Variants in CALCOCO1 observed in about 807,000 individuals in gnomAD.
CALCOCO1 encodes calcium binding and coiled-coil domain 1.
A neutral mutation model predicts 86.3 loss-of-function variants in CALCOCO1; 44 were observed. The observed-to-expected ratio is 0.51, with a 90% CI of 0.40 to 0.66. The LOEUF is 0.66. Ranked by LOEUF, CALCOCO1 falls within the 30% of genes least tolerant of loss-of-function variation. CALCOCO1 has a pLI of 0.00. For missense variants in CALCOCO1, 708 were observed against 851.1 expected (o/e 0.83, Z 2.09); for synonymous variants, 297 against 327.6 (o/e 0.91, Z 1.01).
chr12:53,715,865 C>G lies in CALCOCO1; in HGVS notation c.1188G>C (p.Glu396Asp). 6.2e-7 allele frequency: 1 copy of G among 1,614,142 alleles called. No homozygotes were observed. The highest frequency in any genetic ancestry group is 8.5e-7 in the Non-Finnish European group (1 of 1,180,042). The stretch of plus-strand genomic sequence containing the variant: ...TTTCTTCCTTCAAGTGCAAACCGAG[C>G]TCAGCCAGCCTGCCGTTAACTTCAG... ...EVAEVNGRLA[E>D]LGLHLKEEKC... is the part of the protein sequence containing the mutation. Residue 396 changes from glutamate to aspartate, a missense_variant, in exon 9 of 15, where the codon GAG becomes GAC. Coordinates refer to ENST00000550804, the MANE Select transcript of CALCOCO1 (RefSeq NM_020898.3).
chr12:53,725,445 G>T (rs75079649), intron 1 of CALCOCO1, among the ~76,000 whole-genome samples, 179 bp from the exon 2 acceptor site: 1 of 152,098 alleles, frequency 6.6e-6, no homozygotes, highest in Non-Finnish European at 1.5e-5. Context: ...CTAGGACGTA[G>T]GTCTGGCCTT....
rs746228097 is a variant in CALCOCO1 at position 53,725,181 on chromosome 12, G to A, written c.62C>T (p.Ala21Val). The A allele has an allele frequency of 1.9e-6, 3 of 1,612,870 alleles. No homozygotes were observed. The highest frequency in any genetic ancestry group is 2.5e-6 in the Non-Finnish European group (3 of 1,179,462). Residue 21 changes from alanine to valine, a missense_variant, in exon 2 of 15, where the codon GCC becomes GTC. Physicochemically the swap from Ala to Val is moderately conservative, Grantham distance 64. Transcript: ENST00000550804. ...SRGGVNFLNVARTYIPNTKVE... is the reference protein window; with the variant it reads ...SRGGVNFLNVVRTYIPNTKVE... ...CTTGGTGTTGGGGATGTAGGTCCGG[G>A]CTACATTGAGAAAGTTGACTCCACC...
rs934031692 is a variant in CALCOCO1, at chr12:53,713,900, C to T, written c.1592G>A (p.Ser531Asn). The T allele has an allele frequency of 6.6e-7, 1 of 1,526,194 alleles. No individual in the cohort carries two copies. The highest frequency in any genetic ancestry group is 1.4e-5 in the African/African-American group (1 of 72,080). 94.5% of individuals were successfully genotyped at this position (1,526,194 alleles called of 1,614,324 possible). The change falls in exon 13 of 15, where the codon AGC becomes AAC. Residue 531 changes from serine (S) to asparagine (N), a missense_variant and splice_region_variant. Physicochemically the swap from Ser to Asn is conservative, Grantham distance 46. Coordinates refer to ENST00000550804, the MANE Select transcript of CALCOCO1 (RefSeq NM_020898.3). ...TEDEEAAVGL[S>N]CPAALTDSED... is the part of the protein sequence containing the mutation. ...TGAGTCTGTCAGAGCTGCCGGGCAG[C>T]CTGTAGGAGATGAAGCAGGCAGAGA...
intron 4 of CALCOCO1, 70 bp downstream of exon 4, chr12:53,723,523 G>T: frequency 6.5e-7 from 1 of 1,529,040 alleles, no homozygotes; most frequent in South Asian, 1.1e-5. Context: ...AGGGTAAGGT[G>T]GGAAGGGTCC....
In CALCOCO1 at chr12:53,714,206, G is replaced by A; in HGVS notation, c.1518C>T (p.Arg506=). Residue 506 remains arginine, a synonymous_variant, in exon 12 of 15, where the codon CGC becomes CGT. Coordinates refer to ENST00000550804, the MANE Select transcript of CALCOCO1 (RefSeq NM_020898.3). ...ACTTCTCATCTGCCACCTTCTCCAG[G>A]CGGGCCTCTAGCTTTCTCATGTACT... ...LLEYMRKLEA[R]LEKVADEKWN... The A allele has an allele frequency of 6.2e-7, 1 of 1,613,690 alleles. No individual in the cohort carries two copies. Among genetic ancestry groups the A allele is most frequent in the East Asian group, 2.2e-5 (1 of 44,874 alleles).
rs1945556336 is a variant in CALCOCO1 at position 53,711,720 on chromosome 12, C to T, written c.*224G>A. On this transcript the variant is annotated 3_prime_UTR_variant, in exon 15 of 15. Coordinates refer to ENST00000550804, the MANE Select transcript of CALCOCO1 (RefSeq NM_020898.3). ...AACCACTTTCAGGGGATAAATTCAG[C>T]CACTGCTTCCGAACAGGACCCCTCC... 2 of 427,952 alleles carry T rather than the reference C, an allele frequency of 4.7e-6. No individual in the cohort carries two copies. The highest frequency in any genetic ancestry group is 5.3e-5 in the South Asian group (1 of 18,738). 26.5% of individuals were successfully genotyped at this position (427,952 alleles called of 1,614,324 possible).
chr12:53,715,583 T>C (rs777206217), intron 9 of CALCOCO1: 4 of 752,142 alleles, frequency 5.3e-6, no homozygotes, highest in Non-Finnish European at 8.4e-6. Flanking sequence ...CCAAGGAAGG[T>C]ACTCTGGTGA....
rs1390993483 is a variant in CALCOCO1 at position 53,711,865 on chromosome 12, G to T, written c.*79C>A. 2 of 1,239,952 alleles carry T rather than the reference G, an allele frequency of 1.6e-6. No homozygotes were observed. The highest frequency in any genetic ancestry group is 1.6e-5 in the African/African-American group (1 of 63,252). 76.8% of individuals were successfully genotyped at this position (1,239,952 alleles called of 1,614,324 possible). On this transcript the variant is annotated 3_prime_UTR_variant, in exon 15 of 15. Coordinates refer to ENST00000550804, the MANE Select transcript of CALCOCO1 (RefSeq NM_020898.3). The stretch of plus-strand genomic sequence containing the variant: ...TGGAGCCCAGTGTGATAGAAAATGG[G>T]CATGAAACCTAAGTGTATGCATGTG...
Position 53,714,645 on chromosome 12 carries a change from G to A in CALCOCO1, c.1435C>T (p.Leu479=). ...TCCTTTTCCTTCTGGAGCACACGCA[G>A]GGCTGACCGCAGCTCTGTCAGCTCC... is the stretch of plus-strand genomic sequence containing the variant. ...KRELTELRSA[L]RVLQKEKEQL... Residue 479 remains leucine (L), a synonymous_variant, in exon 11 of 15, where the codon CTG becomes TTG. Coordinates refer to ENST00000550804, the MANE Select transcript of CALCOCO1 (RefSeq NM_020898.3). The A allele has an allele frequency of 1.2e-6, 2 of 1,614,116 alleles. No individual in the cohort carries two copies. Among genetic ancestry groups the A allele is most frequent in the Non-Finnish European group, 8.5e-7 (1 of 1,180,024 alleles).
intron 9 of CALCOCO1, 135 bp downstream of exon 9, chr12:53,715,658 A>T (rs1250703003): frequency 8.2e-7 from 1 of 1,215,740 alleles, no homozygotes; most frequent in African/African-American, 1.5e-5. Flanking sequence ...CCTCCCTCAA[A>T]GCCCCTCTCC....
intron 1 of CALCOCO1, among the ~76,000 whole-genome samples, 166 bp from the exon 2 acceptor site, chr12:53,725,432 T>C (rs1238974597): frequency 5.3e-5 from 8 of 152,166 alleles, no homozygotes; most frequent in Non-Finnish European, 8.8e-5. Context: ...TCACTCTTAG[T>C]CTCTAGGACG....
At chr12:53,724,979 T>C (rs1565651206) in intron 2 of CALCOCO1, 108 bp downstream of exon 2, 8 of 1,268,218 alleles carry the variant, frequency 6.3e-6, no homozygotes, top group South Asian at 4.4e-5. Flanking sequence ...CATCTTTCTC[T>C]CTTCTTCTCT....
chr12:53,716,023 G>C lies in CALCOCO1; in HGVS notation c.1030C>G (p.Gln344Glu). The change falls in exon 9 of 15, where the codon CAG becomes GAG. Residue 344 changes from glutamine (Q) to glutamate (E), a missense_variant. Gln to Glu is a conservative substitution (Grantham distance 29). Coordinates refer to ENST00000550804, the MANE Select transcript of CALCOCO1 (RefSeq NM_020898.3). ...RVAELEPLKE[Q>E]LRGAQELAAS... ...GCAAGCTCCTGGGCCCCTCGAAGCT[G>C]CTCCTTCAAGGGCTCCAGCTCGGCC... 1.2e-6 allele frequency: 2 copies of C among 1,613,132 alleles called. No homozygotes were observed. Among genetic ancestry groups the C allele is most frequent in the Non-Finnish European group, 1.7e-6 (2 of 1,180,030 alleles).
chr12:53,711,209 G>C lies in CALCOCO1; in HGVS notation c.*735C>G, dbSNP rs905056091. ...CTGTGGGGGGACCTGGAGAGGGAGG[G>C]GGGCCTTGGAAATGGGGATACCTGG... On this transcript the variant is annotated 3_prime_UTR_variant, in exon 15 of 15. Coordinates refer to ENST00000550804, the MANE Select transcript of CALCOCO1 (RefSeq NM_020898.3). 2 of 398,874 alleles carry C rather than the reference G, an allele frequency of 5.0e-6. No homozygotes were observed. Among genetic ancestry groups the C allele is most frequent in the Non-Finnish European group, 8.8e-6 (2 of 226,012 alleles). The allele number at this position is 398,874 out of a possible 1,614,324, so 24.7% of individuals were successfully genotyped here.
At chr12:53,712,743 C>T (rs1026241589) in intron 14 of CALCOCO1, 2 of 1,216,750 alleles carry the variant, frequency 1.6e-6, no homozygotes, top group Non-Finnish European at 2.1e-6. Context: ...ATGGTCACCT[C>T]CCTTCCTCCC....
chr12:53,711,834 A>G lies in CALCOCO1; in HGVS notation c.*110T>C, dbSNP rs1945559909. Reference sequence around the variant, plus strand: ...ACAGAAGCAGTTCTTAGGGAACAGAATATCATGGAGCCCAGTGTGATAGAA... The same window carrying G: ...ACAGAAGCAGTTCTTAGGGAACAGAGTATCATGGAGCCCAGTGTGATAGAA... On this transcript the variant is annotated 3_prime_UTR_variant, in exon 15 of 15. Transcript: ENST00000550804. 7.3e-6 allele frequency: 7 copies of G among 952,648 alleles called. No homozygotes were observed. The Admixed American group carries it at 2.2e-4, about 29-fold the overall frequency. 59.0% of individuals were successfully genotyped at this position (952,648 alleles called of 1,614,324 possible). A position where few individuals can be genotyped will look rare whatever the true frequency, so the allele number is the denominator to read the frequency against.
At chr12:53,716,200 G>T in intron 8 of CALCOCO1, 60 bp downstream of exon 8, 2 of 1,601,630 alleles carry the variant, frequency 1.2e-6, no homozygotes, top group Non-Finnish European at 1.7e-6. Context: ...AGACACGCAG[G>T]CTTCTCTACA....
chr12:53,724,778 G>A, intron 2 of CALCOCO1, 31 bp from the exon 3 acceptor site: 1 of 1,549,908 alleles, frequency 6.5e-7, no homozygotes, highest in Non-Finnish European at 8.9e-7. Flanking sequence ...AGAAAGGTAT[G>A]GTCATGGAAC....
At chr12:53,723,941 C>A in intron 3 of CALCOCO1, 158 bp from the exon 4 acceptor site, 1 of 635,140 alleles carries the variant, frequency 1.6e-6, no homozygotes, top group African/African-American at 1.8e-5. Flanking sequence ...CCTTTCTTTC[C>A]CAAACCCACT....
Sources: allele counts gnomAD v4.1 joint callset (sites outside exome capture counted in the v4.1 genomes callset), GRCh38; gene constraint gnomAD v4.1.1; transcripts MANE v1.5; gene names NCBI Gene and HGNC (gene_info 2026-07-23, HGNC 2026-07-21).